Variants in ACTRT3 observed in about 807,000 individuals in gnomAD.
The protein encoded by ACTRT3 is actin related protein T3.
In ACTRT3, 15 loss-of-function variants were observed where a neutral mutation model predicts 17.6. The ratio of observed to expected loss-of-function variants is 0.85; its 90% confidence interval spans 0.57 to 1.31. ACTRT3 has a LOEUF of 1.31. ACTRT3 is among the 50% of genes most tolerant of loss of function. ACTRT3 has a pLI of 0.00. For missense variants in ACTRT3, 457 were observed against 466.7 expected, an observed-to-expected ratio of 0.98 and a Z score of 0.19; for synonymous variants, 169 against 176.4, an observed-to-expected ratio of 0.96 and a Z score of 0.33.
rs369876555 is a variant in ACTRT3, at chr3:169,768,194, C to T, written c.357G>A (p.Thr119=). ...LNPLANRQQI[T]EMFFEHLGVP... ...CACCCAGATGCTCAAAAAACATTTCCGTGATCTGTTGCCGGTTGGCCAGTG... is the reference window on the plus strand; with the variant it reads ...CACCCAGATGCTCAAAAAACATTTCTGTGATCTGTTGCCGGTTGGCCAGTG... Residue 119 remains threonine, a synonymous_variant, in exon 2 of 2, where the codon ACG becomes ACA. Transcript: ENST00000330368. 3.1e-6 allele frequency: 5 copies of T among 1,613,908 alleles called. No individual in the cohort carries two copies. Among genetic ancestry groups the T allele is most frequent in the Middle Eastern group, 1.6e-4 (1 of 6,084 alleles).
chr3:169,767,422 T>G lies in ACTRT3; in HGVS notation c.*10A>C, dbSNP rs761284815. 5.1e-5 allele frequency: 79 copies of G among 1,535,378 alleles called. No homozygotes were observed. Among genetic ancestry groups the G allele is most frequent in the Middle Eastern group, 1.7e-4 (1 of 5,766 alleles). ...TCAAAACATTTTCTTCCAACCATTT[T>G]ATCTGTATTTCAGAAGCATCTTTGG... On this transcript the variant is annotated 3_prime_UTR_variant, in exon 2 of 2. Coordinates refer to ENST00000330368, the MANE Select transcript of ACTRT3 (RefSeq NM_032487.5).
Position 169,769,441 on chromosome 3 carries a change from G to A in ACTRT3, c.80C>T (p.Pro27Leu), listed in dbSNP as rs1778044350. 2 of 1,609,870 alleles carry A rather than the reference G, an allele frequency of 1.2e-6. No individual in the cohort carries two copies. The highest frequency in any genetic ancestry group is 1.7e-6 in the Non-Finnish European group (2 of 1,179,128). The change falls in exon 1 of 2, where the codon CCC becomes CTC. Residue 27 changes from proline (P) to leucine (L), a missense_variant. Physicochemically the swap from Pro to Leu is moderately conservative, Grantham distance 98 (BLOSUM62 -3). Coordinates refer to ENST00000330368, the MANE Select transcript of ACTRT3 (RefSeq NM_032487.5). ...GATAATGTTCGGGTAGATAAACTGG[G>A]GCTCCCGGCACCCAGCCACGCCCGC... Reference protein sequence around the residue: ...IKAGVAGCREPQFIYPNIIGR... With the variant: ...IKAGVAGCRELQFIYPNIIGR...
chr3:169,768,027 T>G lies in ACTRT3; in HGVS notation c.524A>C (p.Gln175Pro), dbSNP rs1272759017. The change falls in exon 2 of 2, where the codon CAG becomes CCG. Residue 175 changes from glutamine to proline, a missense_variant. Coordinates refer to ENST00000330368, the MANE Select transcript of ACTRT3 (RefSeq NM_032487.5). The part of the protein sequence containing the change: ...FEGYCLPHGV[Q>P]QLDLAGLDLT... Reference sequence around the variant, plus strand: ...GTCAAGGCCTGCCAGATCCAGTTGCTGCACACCATGAGGCAGACAGTAACC... The same window carrying G: ...GTCAAGGCCTGCCAGATCCAGTTGCGGCACACCATGAGGCAGACAGTAACC... 6.2e-7 allele frequency: 1 copy of G among 1,614,140 alleles called. No homozygotes were observed. The highest frequency in any genetic ancestry group is 8.5e-7 in the Non-Finnish European group (1 of 1,180,030).
chr3:169,769,018 A>G (rs1297755621), intron 1 of ACTRT3, among the ~76,000 whole-genome samples: 2 of 152,086 alleles, frequency 1.3e-5, no homozygotes, highest in Non-Finnish European at 2.9e-5. Context: ...GTTTTAATAC[A>G]TTTGTATAGC....
chr3:169,769,244 T>TCCCCATCCCCACCCCCCCACAACAC (rs1778036519), intron 1 of ACTRT3, 77 bp downstream of exon 1: 1 of 3,726 alleles, frequency 2.7e-4, no homozygotes, highest in Non-Finnish European at 5.1e-4. Flanking sequence ...CCCCCCAACC[T>TCCCCATCCCCACCCCCCCACAACAC]CCCCAGCCCC....
chr3:169,769,309 A>G lies in ACTRT3; in HGVS notation c.200+12T>C, dbSNP rs878896273. 7.8e-7 allele frequency: 1 copy of G among 1,275,034 alleles called. No homozygotes were observed. Among genetic ancestry groups the G allele is most frequent in the South Asian group, 1.4e-5 (1 of 71,446 alleles). The allele number at this position is 1,275,034 out of a possible 1,614,324, so 79.0% of individuals were successfully genotyped here. ...TCCCCAGCCCCAGCAGCCTGCTGGG[A>G]GAAGGAGGTACCTGATGAACAGCGA... On this transcript the variant is annotated intron_variant, in intron 1 of 1. Coordinates refer to ENST00000330368, the MANE Select transcript of ACTRT3 (RefSeq NM_032487.5).
chr3:169,768,032 A>T lies in ACTRT3; in HGVS notation c.519T>A (p.Gly173=). The T allele has an allele frequency of 6.2e-7, 1 of 1,614,156 alleles. No individual in the cohort carries two copies. The highest frequency in any genetic ancestry group is 1.3e-5 in the African/African-American group (1 of 75,052). The change falls in exon 2 of 2, where the codon GGT becomes GGA. Residue 173 remains glycine (G), a synonymous_variant. Coordinates refer to ENST00000330368, the MANE Select transcript of ACTRT3 (RefSeq NM_032487.5). ...GGCCTGCCAGATCCAGTTGCTGCAC[A>T]CCATGAGGCAGACAGTAACCCTCAA... ...PIFEGYCLPH[G]VQQLDLAGLD...
Position 169,768,094 on chromosome 3 carries a change from TCAG to T in ACTRT3, c.454_456del (p.Leu152del). 1 of 1,614,030 alleles carries T rather than the reference TCAG, an allele frequency of 6.2e-7. No individual in the cohort carries two copies. The highest frequency in any genetic ancestry group is 1.1e-5 in the South Asian group (1 of 91,082). On this transcript the variant is annotated inframe_deletion, in exon 2 of 2. Transcript: ENST00000330368. The stretch of plus-strand genomic sequence containing the variant: ...CTCTGGGTAACCCCAGCACCTGAAT[TCAG>T]CACAAGGCCAGTAGTGAAGCCAGCA...
chr3:169,769,151 C>T (rs944128529), intron 1 of ACTRT3, among the ~76,000 whole-genome samples, 170 bp downstream of exon 1: 1 of 80,108 alleles, frequency 1.2e-5, no homozygotes, highest in Non-Finnish European at 2.7e-5. Flanking sequence ...TTCTTTCTGT[C>T]CCCATTGCGC....
chr3:169,769,311 A>T lies in ACTRT3; in HGVS notation c.200+10T>A. 1 of 1,301,378 alleles carries T rather than the reference A, an allele frequency of 7.7e-7. No individual in the cohort carries two copies. Among genetic ancestry groups the T allele is most frequent in the South Asian group, 1.4e-5 (1 of 72,390 alleles). The allele number at this position is 1,301,378 out of a possible 1,614,324, so 80.6% of individuals were successfully genotyped here. On this transcript the variant is annotated intron_variant, in intron 1 of 1. Transcript: ENST00000330368. ...CCCAGCCCCAGCAGCCTGCTGGGAG[A>T]AGGAGGTACCTGATGAACAGCGAGC...
chr3:169,767,335 A>G lies in ACTRT3; in HGVS notation c.*97T>C. ...ACAACAGAAATATTGGCATCCCAAT[A>G]GGTGAAGTATTTTCTCTTCTCCCAG... is the stretch of plus-strand genomic sequence containing the variant. On this transcript the variant is annotated 3_prime_UTR_variant, in exon 2 of 2. Coordinates refer to ENST00000330368, the MANE Select transcript of ACTRT3 (RefSeq NM_032487.5). 9.1e-7 allele frequency: 1 copy of G among 1,096,162 alleles called. No individual in the cohort carries two copies. The highest frequency in any genetic ancestry group is 1.3e-6 in the Non-Finnish European group (1 of 784,252). 67.9% of individuals were successfully genotyped at this position (1,096,162 alleles called of 1,614,324 possible).
chr3:169,769,377 C>G lies in ACTRT3; in HGVS notation c.144G>C (p.Gly48=), dbSNP rs944863691. ...CTTGGTCGCCCACGCAGAGTTCTAG[C>G]CCGCCCTGGGCCGCGCGGCTCTGGC... is the stretch of plus-strand genomic sequence containing the variant. The part of the protein sequence containing the change: ...AKGQSRAAQG[G]LELCVGDQAQ... The change falls in exon 1 of 2, where the codon GGG becomes GGC. Residue 48 remains glycine (G), a synonymous_variant. Transcript: ENST00000330368. 1 of 1,600,428 alleles carries G rather than the reference C, an allele frequency of 6.2e-7. No individual in the cohort carries two copies. The highest frequency in any genetic ancestry group is 1.4e-5 in the African/African-American group (1 of 70,754).
chr3:169,767,586 G>A lies in ACTRT3; in HGVS notation c.965C>T (p.Thr322Ile). The change falls in exon 2 of 2, where the codon ACC (threonine) becomes ATC (isoleucine). Residue 322 changes from threonine (T) to isoleucine (I), a missense_variant. By Grantham distance (89) the Thr-to-Ile change is moderately conservative. Transcript: ENST00000330368. ...TGGAGGAGCTATAACTTGCACAGCG[G>A]TGTTGGCAGGAGCCACCTTTGCTAT... ...KDIAKVAPAN[T>I]AVQVIAPPER... is the part of the protein sequence containing the mutation. 6.2e-7 allele frequency: 1 copy of A among 1,614,090 alleles called. No homozygotes were observed. Among genetic ancestry groups the A allele is most frequent in the Non-Finnish European group, 8.5e-7 (1 of 1,180,018 alleles).
chr3:169,767,796 A>C lies in ACTRT3; in HGVS notation c.755T>G (p.Phe252Cys). The change falls in exon 2 of 2, where the codon TTT (phenylalanine) becomes TGT (cysteine). Residue 252 changes from phenylalanine to cysteine, a missense_variant. By Grantham distance (205) the Phe-to-Cys change is radical. Transcript: ENST00000330368. ...GKVIQLHDQL[F>C]SCPEALFSPC... ...AGAGAAGAGGGCCTCTGGACAAGAA[A>C]AGAGCTGGTCATGGAGCTGGATGAC... The C allele has an allele frequency of 3.7e-6, 6 of 1,614,192 alleles. No individual in the cohort carries two copies. Among genetic ancestry groups the C allele is most frequent in the Non-Finnish European group, 5.1e-6 (6 of 1,180,036 alleles).
At position 169,769,557 on chromosome 3, in the gene ACTRT3, G is replaced by C; in HGVS notation, c.-37C>G. 1 of 1,598,492 alleles carries C rather than the reference G, an allele frequency of 6.3e-7. No individual in the cohort carries two copies. Among genetic ancestry groups the C allele is most frequent in the Non-Finnish European group, 8.5e-7 (1 of 1,170,634 alleles). On this transcript the variant is annotated 5_prime_UTR_variant, in exon 1 of 2. Transcript: ENST00000330368. ...TGCCGCCGCCTCCTGTCTCTGAGCC[G>C]CTCTAGCTACGGGCTCGGCCGGGGC...
chr3:169,769,492 A>T lies in ACTRT3; in HGVS notation c.29T>A (p.Ile10Asn). 1 of 1,610,698 alleles carries T rather than the reference A, an allele frequency of 6.2e-7. No homozygotes were observed. Among genetic ancestry groups the T allele is most frequent in the Non-Finnish European group, 8.5e-7 (1 of 1,179,202 alleles). The change falls in exon 1 of 2, where the codon ATC becomes AAC. Residue 10 changes from isoleucine (I) to asparagine (N), a missense_variant. Coordinates refer to ENST00000330368, the MANE Select transcript of ACTRT3 (RefSeq NM_032487.5). ...CTTGATCATTCCCGAGCCGTTGTCG[A>T]TCACCACCGGTAGCTGGCAGTGGTT... MNHCQLPVV[I>N]DNGSGMIKAG...
Position 169,767,396 on chromosome 3 carries a change from C to T in ACTRT3, c.*36G>A. ...TATCCAAAGTTTTCTGTCACATATA[C>T]TCAAAACATTTTCTTCCAACCATTT... On this transcript the variant is annotated 3_prime_UTR_variant, in exon 2 of 2. Coordinates refer to ENST00000330368, the MANE Select transcript of ACTRT3 (RefSeq NM_032487.5). 1 of 1,510,390 alleles carries T rather than the reference C, an allele frequency of 6.6e-7. No individual in the cohort carries two copies. Among genetic ancestry groups the T allele is most frequent in the Middle Eastern group, 1.8e-4 (1 of 5,626 alleles). The allele number at this position is 1,510,390 out of a possible 1,614,324, so 93.6% of individuals were successfully genotyped here.
intron 1 of ACTRT3, 129 bp from the exon 2 acceptor site, chr3:169,768,479 A>C: frequency 3.4e-6 from 3 of 880,182 alleles, no homozygotes; most frequent in Non-Finnish European, 5.0e-6. Flanking sequence ...ACAGCCTCTC[A>C]CAGCAGGTAA....
At position 169,769,428 on chromosome 3, in the gene ACTRT3, G is replaced by A. The variant is rs199991577; in HGVS notation, c.93C>T (p.Tyr31=). 6 of 1,609,588 alleles carry A rather than the reference G, an allele frequency of 3.7e-6. No individual in the cohort carries two copies. The highest frequency in any genetic ancestry group is 2.7e-5 in the African/African-American group (2 of 73,916). ...VAGCREPQFI[Y]PNIIGRAKGQ... ...CCTTGGCGCGGCCGATAATGTTCGG[G>A]TAGATAAACTGGGGCTCCCGGCACC... The change falls in exon 1 of 2, where the codon TAC becomes TAT. Residue 31 remains tyrosine, a synonymous_variant. Coordinates refer to ENST00000330368, the MANE Select transcript of ACTRT3 (RefSeq NM_032487.5).
Sources: gnomAD v4.1 joint callset for allele counts (sites outside exome capture counted in the v4.1 genomes callset) on GRCh38, gnomAD v4.1.1 for gene constraint, MANE v1.5 for transcripts, NCBI Gene and HGNC (gene_info 2026-07-23, HGNC 2026-07-21) for gene names.